The following PCDHGA2 variants were observed in gnomAD, a reference collection of about 807,000 sequenced individuals.
PCDHGA2 encodes protocadherin gamma subfamily A, 2, also known as protocadherin gamma-A2.
Under a neutral mutation model 59.2 loss-of-function variants are expected in PCDHGA2, and 40 were observed. The observed-to-expected ratio is 0.68, with a 90% CI of 0.52 to 0.88. The LOEUF is 0.88. PCDHGA2 is among the 40% of genes least tolerant of loss of function. PCDHGA2 has a pLI of 0.00. For missense variants in PCDHGA2, 1,226 were observed against 1,204.0 expected, an observed-to-expected ratio of 1.02 and a Z score of -0.27; for synonymous variants, 560 against 526.0, an observed-to-expected ratio of 1.06 and a Z score of -0.89.
At chr5:141,360,919 C>G in intron 1 of PCDHGA2, 1 of 1,614,012 alleles carries the variant, frequency 6.2e-7, no homozygotes, top group Non-Finnish European at 8.5e-7. Context: ...CTTCTTTGTG[C>G]TTCAAGTGAC....
At chr5:141,360,679 G>T in intron 1 of PCDHGA2, 1 of 1,613,988 alleles carries the variant, frequency 6.2e-7, no homozygotes, top group Non-Finnish European at 8.5e-7. Context: ...TGATCTCGCT[G>T]AGAAACAGAC....
In PCDHGA2 at chr5:141,485,126, G is replaced by C; in HGVS notation, c.2425-9681G>C. ...TGCTGTGGCTGTTTGGGGCGGGTCG[G>C]CTTCATCCGCGTCTCAGGAGCAAGT... On this transcript the variant is annotated intron_variant, in intron 1 of 3. Transcript: ENST00000394576. The surrounding 1 kb of genome is among the most constrained non-coding windows in gnomAD (Gnocchi z 5.7). 1.4e-6 allele frequency: 2 copies of C among 1,432,378 alleles called. No homozygotes were observed. The highest frequency in any genetic ancestry group is 2.4e-5 in the South Asian group (2 of 81,724). 88.7% of individuals were successfully genotyped at this position (1,432,378 alleles called of 1,614,324 possible). A position where few individuals can be genotyped will look rare whatever the true frequency, so the allele number is the denominator to read the frequency against.
At chr5:141,505,260 C>T in intron 2 of PCDHGA2, 133 bp from the exon 3 acceptor site, 2 of 1,502,832 alleles carry the variant, frequency 1.3e-6, no homozygotes, top group South Asian at 1.3e-5. Context: ...TGCCTCCTAC[C>T]TTGCTGAGAG....
In PCDHGA2 at chr5:141,491,736, G is replaced by T; in HGVS notation, c.2425-3071G>T. The T allele has an allele frequency of 6.2e-7, 1 of 1,600,560 alleles. No individual in the cohort carries two copies. Among genetic ancestry groups the T allele is most frequent in the Non-Finnish European group, 8.5e-7 (1 of 1,174,270 alleles). ...CGGCGCCGCCCCGGGCGACCCCTGG[G>T]GGCGGCACTGGAGAAGCCGCCCGTC... On this transcript the variant is annotated intron_variant, in intron 1 of 3. Coordinates refer to ENST00000394576, the MANE Select transcript of PCDHGA2 (RefSeq NM_018915.4). This position sits in a 1 kb window ranked among gnomAD's most constrained non-coding sequence, Gnocchi z 6.9.
At position 141,413,788 on chromosome 5, in the gene PCDHGA2, G is replaced by A. The variant is rs2095678300; in HGVS notation, c.2424+72393G>A. The A allele has an allele frequency of 2.1e-5, 34 of 1,613,166 alleles. No individual in the cohort carries two copies. Among genetic ancestry groups the A allele is most frequent in the Non-Finnish European group, 2.8e-5 (33 of 1,179,876 alleles). ...GGAGCTGGTACTGGAGCACTCCCTA[G>A]ATCGCGAGGAAGAGGCCATTCACCA... is the stretch of plus-strand genomic sequence containing the variant. On this transcript the variant is annotated intron_variant, in intron 1 of 3. Coordinates refer to ENST00000394576, the MANE Select transcript of PCDHGA2 (RefSeq NM_018915.4).
intron 1 of PCDHGA2, among the ~76,000 whole-genome samples, chr5:141,353,110 G>A (rs954233030): frequency 6.6e-6 from 1 of 152,146 alleles, no homozygotes; most frequent in African/African-American, 2.4e-5. Flanking sequence ...GATAGATGGA[G>A]ATTGCTTTCT....
chr5:141,376,437 A>C (rs375879976), intron 1 of PCDHGA2: 1 of 1,614,086 alleles, frequency 6.2e-7, no homozygotes, highest in South Asian at 1.1e-5. Flanking sequence ...CAGGAGAGCT[A>C]TGAGAAAAGC....
In PCDHGA2 at chr5:141,340,917, A is replaced by G; in HGVS notation, c.1946A>G (p.His649Arg). The change falls in exon 1 of 4, where the codon CAC becomes CGC. Residue 649 changes from histidine (H) to arginine (R), a missense_variant. His to Arg is a conservative substitution (Grantham distance 29, BLOSUM62 0). Coordinates refer to ENST00000394576, the MANE Select transcript of PCDHGA2 (RefSeq NM_018915.4). ...AGCCTCGTGGTGGCCATCCAGGACCACGGCCAGCCCCCTCTCTCCGCCACT... is the reference window on the plus strand; with the variant it reads ...AGCCTCGTGGTGGCCATCCAGGACCGCGGCCAGCCCCCTCTCTCCGCCACT... ...KQSLVVAIQD[H>R]GQPPLSATVT... 6.2e-7 allele frequency: 1 copy of G among 1,613,674 alleles called. No homozygotes were observed. The highest frequency in any genetic ancestry group is 1.1e-5 in the South Asian group (1 of 91,054).
intron 1 of PCDHGA2, chr5:141,362,057 G>T: frequency 6.2e-7 from 1 of 1,611,706 alleles, no homozygotes; most frequent in Non-Finnish European, 8.5e-7. Flanking sequence ...GCCCGCCAGC[G>T]CCTGCTGGTC....
At chr5:141,354,716 G>A (rs1292688880) in intron 1 of PCDHGA2, among the ~76,000 whole-genome samples, 1 of 152,180 alleles carries the variant, frequency 6.6e-6, no homozygotes, top group African/African-American at 2.4e-5. Context: ...AGAATGGGCT[G>A]TGGGGATGAA....
At chr5:141,348,479 T>C (rs753878547) in intron 1 of PCDHGA2, among the ~76,000 whole-genome samples, 39 of 152,170 alleles carry the variant, frequency 2.6e-4, no homozygotes, top group Non-Finnish European at 3.7e-4. Context: ...TCACTTTCCC[T>C]GTAAGGAGAA....
At chr5:141,351,653 G>C (rs1425916218) in intron 1 of PCDHGA2, 2 of 1,613,878 alleles carry the variant, frequency 1.2e-6, no homozygotes, top group South Asian at 1.1e-5. Flanking sequence ...CCCACCTGGC[G>C]CCTCCATTGC....
chr5:141,487,485 G>A lies in PCDHGA2; in HGVS notation c.2425-7322G>A. On this transcript the variant is annotated intron_variant, in intron 1 of 3. Transcript: ENST00000394576. The surrounding 1 kb of genome is among the most constrained non-coding windows in gnomAD (Gnocchi z 5.0). ...GTTGATGTGGGAGGCCACTCTCATG[G>A]CTGTACACCCTTGGCTTCTGCACCC... The A allele has an allele frequency of 6.2e-7, 1 of 1,614,164 alleles. No homozygotes were observed. Among genetic ancestry groups the A allele is most frequent in the Non-Finnish European group, 8.5e-7 (1 of 1,180,030 alleles).
At chr5:141,433,404 TATTA>T (rs142533293) in intron 1 of PCDHGA2, among the ~76,000 whole-genome samples, 252 of 146,310 alleles carry the variant, frequency 1.7e-3, no homozygotes, top group African/African-American at 6.2e-3. Context: ...TCTATCTATC[TATTA>T]CTTTCTTGTA....
At chr5:141,430,877 G>A (rs1392342627) in intron 1 of PCDHGA2, 5 of 1,600,678 alleles carry the variant, frequency 3.1e-6, no homozygotes, top group African/African-American at 2.7e-5. Context: ...GGAAGAGCTG[G>A]AGAAAGGCTC....
intron 1 of PCDHGA2, among the ~76,000 whole-genome samples, chr5:141,420,877 G>T (rs566962587): frequency 3.9e-5 from 6 of 152,338 alleles, no homozygotes; most frequent in African/African-American, 1.4e-4. Context: ...TGTAAGTATT[G>T]TGTATCATCG....
chr5:141,388,395 C>T (rs1445370262), intron 1 of PCDHGA2: 10 of 1,613,928 alleles, frequency 6.2e-6, no homozygotes, highest in Middle Eastern at 1.6e-4. Flanking sequence ...GCAGAATTAC[C>T]AACTCAGTCC....
At chr5:141,464,862 C>T (rs1166573359) in intron 1 of PCDHGA2, among the ~76,000 whole-genome samples, 1 of 152,076 alleles carries the variant, frequency 6.6e-6, no homozygotes, top group African/African-American at 2.4e-5. Context: ...CCTTAGCCTC[C>T]CAAGTAGCTA....
chr5:141,463,142 C>T (rs1229364880), intron 1 of PCDHGA2, among the ~76,000 whole-genome samples: 1 of 152,160 alleles, frequency 6.6e-6, no homozygotes, highest in Non-Finnish European at 1.5e-5. Context: ...CTTCGCCCAG[C>T]TGCAGAAAAG....
Sources: gnomAD v4.1 joint callset for allele counts (sites outside exome capture counted in the v4.1 genomes callset) on GRCh38, gnomAD v4.1.1 for gene constraint, Gnocchi (gnomAD v3.1) non-coding constraint, MANE v1.5 for transcripts, NCBI Gene and HGNC (gene_info 2026-07-23, HGNC 2026-07-21) for gene names.